Variants in LUC7L2 observed in about 807,000 individuals in gnomAD.
The protein encoded by LUC7L2 is LUC7 like 2, pre-mRNA splicing factor.
In LUC7L2, 25 loss-of-function variants were observed where a neutral mutation model predicts 52.8. The ratio of observed to expected loss-of-function variants is 0.47; its 90% CI spans 0.34 to 0.66. The LOEUF is 0.66. Ranked by LOEUF, LUC7L2 falls within the 30% of genes least tolerant of loss-of-function variation. The pLI is 0.01. For missense variants in LUC7L2, 328 were observed against 497.8 expected (o/e 0.66, Z 3.25); for synonymous variants, 144 against 160.9 (o/e 0.89, Z 0.80).
chr7:139,365,525 C>G (rs1316947679), intron 1 of LUC7L2, among the ~76,000 whole-genome samples: 2 of 152,078 alleles, frequency 1.3e-5, no homozygotes, highest in Non-Finnish European at 2.9e-5. Context: ...TTTAGTGAAT[C>G]AGGTACTCTT....
At chr7:139,421,134 A>G (rs1271923951) in intron 9 of LUC7L2, among the ~76,000 whole-genome samples, 2 of 152,196 alleles carry the variant, frequency 1.3e-5, no homozygotes, top group South Asian at 4.1e-4. Flanking sequence ...TAAAACATTA[A>G]GTAGAATGTT....
At chr7:139,354,213 T>C (rs967512116) in intron 1 of LUC7L2, among the ~76,000 whole-genome samples, 25 of 152,234 alleles carry the variant, frequency 1.6e-4, no homozygotes, top group African/African-American at 4.3e-4. Context: ...TTGAAGACAA[T>C]TGGAACAAAA....
rs1014454298 is a variant in LUC7L2, at chr7:139,379,133, G to A, written c.156+2977G>A. ...GCCTCCCAAAGTGCTGGAATTACAG[G>A]TGTGATTAGGTGTGCCTAAGATCTG... On this transcript the variant is annotated intron_variant, in intron 2 of 9. Transcript: ENST00000354926. Among the ~76,000 whole-genome samples, 3 of 152,312 alleles carry A rather than the reference G, an allele frequency of 2.0e-5. No individual in the cohort carries two copies. The East Asian group carries it at 5.8e-4, about 29-fold the overall frequency.
intron 2 of LUC7L2, among the ~76,000 whole-genome samples, chr7:139,383,104 G>A (rs1048076986): frequency 6.6e-6 from 1 of 150,558 alleles, no homozygotes; most frequent in African/African-American, 2.4e-5. Context: ...TTTTGTATTT[G>A]TATTTTTATT....
rs896684760 is a variant in LUC7L2 at position 139,342,346 on chromosome 7, A to C, written c.-26+1829A>C. On this transcript the variant is annotated intron_variant, in intron 1 of 10. Transcript: ENST00000541170. ...AAATTAATCAGGGACCTGAAGGCTA[A>C]TTTGGAGTTAGCAAGTAAATTGGGG... 2.6e-5 allele frequency among the ~76,000 whole-genome samples: 4 copies of C among 152,296 alleles called. No homozygotes were observed. The South Asian group carries it at 8.3e-4, about 32-fold the overall frequency.
chr7:139,368,382 G>T (rs1272034526), intron 1 of LUC7L2, among the ~76,000 whole-genome samples: 1 of 152,160 alleles, frequency 6.6e-6, no homozygotes, highest in African/African-American at 2.4e-5. Context: ...AAGTACAGAG[G>T]TCAAACAAGC....
chr7:139,403,028 C>T (rs537588837), intron 4 of LUC7L2, among the ~76,000 whole-genome samples: 1 of 152,290 alleles, frequency 6.6e-6, no homozygotes, highest in Non-Finnish European at 1.5e-5. Flanking sequence ...TAAATGAAAT[C>T]CTGTGTACGC....
chr7:139,393,501 G>C (rs959582239), intron 2 of LUC7L2, among the ~76,000 whole-genome samples: 2 of 152,036 alleles, frequency 1.3e-5, no homozygotes, highest in East Asian at 1.9e-4. Context: ...TCCCGGGCTG[G>C]AGTGCACGAT....
At chr7:139,359,426 C>A (rs3924445), upstream of LUC7L2, 62,451 of 166,228 alleles carry the variant, frequency 0.38, 16,434 homozygotes, top group African/African-American at 0.77. Flanking sequence ...GCGAGACAGG[C>A]CTGCTCCCGG....
intron 6 of LUC7L2, among the ~76,000 whole-genome samples, chr7:139,407,841 A>G (rs1286720519): frequency 6.6e-6 from 1 of 152,230 alleles, no homozygotes; most frequent in Non-Finnish European, 1.5e-5. Context: ...TTAAAAGGAC[A>G]ATCACTATTA....
chr7:139,375,201 C>G (rs981070177), intron 1 of LUC7L2: 72 of 984,338 alleles, frequency 7.3e-5, no homozygotes, highest in Non-Finnish European at 8.3e-5. Context: ...AGCTAGTTAC[C>G]TTTCTTTTTC....
chr7:139,359,535 G>A (rs1021694336), upstream of LUC7L2: 1 of 282,206 alleles, frequency 3.5e-6, no homozygotes, highest in East Asian at 6.0e-5. Context: ...GCTGACCGCA[G>A]TCCGGTCGAC....
chr7:139,381,385 AT>A (rs11343517), intron 2 of LUC7L2, among the ~76,000 whole-genome samples: 5,910 of 75,798 alleles, frequency 0.078, 381 homozygotes, highest in African/African-American at 0.43. Flanking sequence ...TTTTTATTTT[AT>A]TTTTTATTTT....
intron 1 of LUC7L2, chr7:139,363,303 G>A: frequency 1.1e-6 from 1 of 930,726 alleles, no homozygotes; most frequent in Admixed American, 6.2e-5. Flanking sequence ...TTGTATATGT[G>A]AATCAGTGTA....
intron 1 of LUC7L2, among the ~76,000 whole-genome samples, chr7:139,365,559 G>A (rs1167384817): frequency 6.6e-6 from 1 of 152,102 alleles, no homozygotes; most frequent in Non-Finnish European, 1.5e-5. Context: ...TTCATACAAA[G>A]CATTGAAGCT....
chr7:139,388,975 T>G (rs1794316284), intron 2 of LUC7L2, among the ~76,000 whole-genome samples: 1 of 152,214 alleles, frequency 6.6e-6, no homozygotes, highest in African/African-American at 2.4e-5. Context: ...TTGATCTGTC[T>G]GAGTCTTGAT....
intron 8 of LUC7L2, chr7:139,412,825 T>TA (rs10593094): frequency 0.016 from 1,919 of 122,248 alleles, 19 homozygotes; most frequent in Middle Eastern, 0.038. Flanking sequence ...ACTCTGTCTT[T>TA]AAAAAAAAAA....
At chr7:139,419,639 A>G (rs904637594) in intron 9 of LUC7L2, among the ~76,000 whole-genome samples, 17 of 152,154 alleles carry the variant, frequency 1.1e-4, no homozygotes, top group Non-Finnish European at 2.1e-4. Flanking sequence ...TTTATTGGTG[A>G]TGGGTATGGG....
chr7:139,417,258 C>G, intron 8 of LUC7L2: 1 of 313,504 alleles, frequency 3.2e-6, no homozygotes, highest in Non-Finnish European at 6.1e-6. Context: ...CTAGGCTGGT[C>G]TTGAAATCCT....
Sources: allele counts gnomAD v4.1 joint callset (sites outside exome capture counted in the v4.1 genomes callset), GRCh38; gene constraint gnomAD v4.1.1; transcripts MANE v1.5; gene names NCBI Gene and HGNC (gene_info 2026-07-23, HGNC 2026-07-21).